The following FKBP9 variants were observed in gnomAD, a reference collection of about 807,000 sequenced individuals.
FKBP9 encodes peptidyl-prolyl cis-trans isomerase FKBP9.
Under a neutral mutation model 55.6 loss-of-function variants are expected in FKBP9, and 27 were observed. The observed-to-expected ratio is 0.49, with a 90% CI of 0.36 to 0.67. FKBP9 has a LOEUF of 0.67. Among genes scored for constraint, FKBP9 ranks in the 30% least tolerant of loss-of-function variants. The probability of loss-of-function intolerance (pLI) is 0.00; values close to 1 mark genes in which losing one functional copy is unlikely to be tolerated. For missense variants in FKBP9, 539 were observed against 742.8 expected, an observed-to-expected ratio of 0.73 and a Z score of 3.19; for synonymous variants, 267 against 296.5, an observed-to-expected ratio of 0.90 and a Z score of 1.02.
At chr7:32,964,373 C>T (rs1784092215) in intron 1 of FKBP9, among the ~76,000 whole-genome samples, 5 of 152,182 alleles carry the variant, frequency 3.3e-5, no homozygotes, top group Admixed American at 3.3e-4. Flanking sequence ...AAATGGGAAT[C>T]ATCTATAGGG....
chr7:32,962,509 T>C lies in FKBP9; in HGVS notation c.221+4715T>C, dbSNP rs1246784216. Among the ~76,000 whole-genome samples the C allele has an allele frequency of 2.0e-5, 3 of 152,250 alleles. No individual in the cohort carries two copies. The East Asian group carries it at 5.8e-4, about 29-fold the overall frequency. The stretch of plus-strand genomic sequence containing the variant: ...TTTTTTTTGAGACAGCGTCTCACTT[T>C]GTTGCCCAGGCTGGTGTGCAGTGAT... On this transcript the variant is annotated intron_variant, in intron 1 of 9. Coordinates refer to ENST00000242209, the MANE Select transcript of FKBP9 (RefSeq NM_007270.5).
chr7:32,975,235 A>G lies in FKBP9; in HGVS notation c.421A>G (p.Ile141Val). Residue 141 changes from isoleucine (I) to valine (V), a missense_variant, in exon 3 of 10, where the codon ATT becomes GTT. Transcript: ENST00000242209. ...VLHFDVLLMD[I>V]WNSEDQVQIH... is the part of the protein sequence containing the mutation. Reference sequence around the variant, plus strand: ...TCATTTTGATGTACTTCTGATGGATATTTGGAATTCTGAAGACCAGGTTCA... The same window carrying G: ...TCATTTTGATGTACTTCTGATGGATGTTTGGAATTCTGAAGACCAGGTTCA... 1 of 1,613,874 alleles carries G rather than the reference A, an allele frequency of 6.2e-7. No homozygotes were observed. Among genetic ancestry groups the G allele is most frequent in the African/African-American group, 1.3e-5 (1 of 75,054 alleles).
intron 4 of FKBP9, 148 bp downstream of exon 4, chr7:32,976,647 T>C: frequency 8.6e-7 from 1 of 1,161,498 alleles, no homozygotes. Context: ...CATGTGGCTA[T>C]TAATTAGCTA....
In FKBP9 at chr7:32,996,236, C is replaced by G. The variant is rs1340269291; in HGVS notation, c.1113C>G (p.Ile371Met). Reference sequence around the variant, plus strand: ...ACTTCCACAACCCTTCGGACTCCATCAGCATCACCTCCCACTACAAACCCC... The same window carrying G: ...ACTTCCACAACCCTTCGGACTCCATGAGCATCACCTCCCACTACAAACCCC... Reference protein sequence around the residue: ...VIDFHNPSDSISITSHYKPPD... With the variant: ...VIDFHNPSDSMSITSHYKPPD... The change falls in exon 7 of 10, where the codon ATC becomes ATG. Residue 371 changes from isoleucine to methionine, a missense_variant. This residue lies in a region of FKBP9 where 172 missense variants were observed against 205.3 expected (regional missense o/e 0.84). Coordinates refer to ENST00000242209, the MANE Select transcript of FKBP9 (RefSeq NM_007270.5). The G allele has an allele frequency of 1.1e-5, 18 of 1,614,110 alleles. No individual in the cohort carries two copies. Among genetic ancestry groups the G allele is most frequent in the Middle Eastern group, 1.6e-4 (1 of 6,062 alleles).
intron 1 of FKBP9, among the ~76,000 whole-genome samples, chr7:32,969,707 C>T (rs1315176329): frequency 6.6e-6 from 1 of 151,950 alleles, no homozygotes; most frequent in African/African-American, 2.4e-5. Flanking sequence ...CTTTAGAGTC[C>T]TTCAAGATTC....
In FKBP9 at chr7:32,973,552, C is replaced by A. The variant is rs575782431; in HGVS notation, c.222-1065C>A. Among the ~76,000 whole-genome samples, 5 of 139,406 alleles carry A rather than the reference C, an allele frequency of 3.6e-5. No individual in the cohort carries two copies. The East Asian group carries it at 1.1e-3, about 31-fold the overall frequency. 91.5% of individuals were successfully genotyped at this position (139,406 alleles called of 152,430 possible). A position where few individuals can be genotyped will look rare whatever the true frequency, so the allele number is the denominator to read the frequency against. Reference sequence around the variant, plus strand: ...GTTATCATGCTGCCTCTGTGTTTAACTTAGCTGGATGACTTTAAAAAAAAT... The same window carrying A: ...GTTATCATGCTGCCTCTGTGTTTAAATTAGCTGGATGACTTTAAAAAAAAT... On this transcript the variant is annotated intron_variant, in intron 1 of 9. Coordinates refer to ENST00000242209, the MANE Select transcript of FKBP9 (RefSeq NM_007270.5).
chr7:33,004,167 T>C (rs866250945), intron 9 of FKBP9, among the ~76,000 whole-genome samples: 79 of 152,212 alleles, frequency 5.2e-4, no homozygotes, highest in African/African-American at 1.8e-3. Context: ...CTGACGCTTC[T>C]TACCACCCCC....
intron 8 of FKBP9, among the ~76,000 whole-genome samples, chr7:33,002,265 C>G (rs1784948930): frequency 6.6e-6 from 1 of 152,036 alleles, no homozygotes; most frequent in Non-Finnish European, 1.5e-5. Flanking sequence ...TCCCGAGTAG[C>G]TGGGACTACA....
rs571576691 is a variant in FKBP9 at position 32,969,722 on chromosome 7, G to A, written c.222-4895G>A. Among the ~76,000 whole-genome samples, 10 of 152,204 alleles carry A rather than the reference G, an allele frequency of 6.6e-5. No individual in the cohort carries two copies. In the South Asian group the frequency reaches 1.9e-3, roughly 28 times the overall value. The stretch of plus-strand genomic sequence containing the variant: ...CTTTAGAGTCCTTCAAGATTCCAAG[G>A]CCAGGCACCGTGGCTCACACCTGTA... On this transcript the variant is annotated intron_variant, in intron 1 of 9. Coordinates refer to ENST00000242209, the MANE Select transcript of FKBP9 (RefSeq NM_007270.5).
intron 5 of FKBP9, among the ~76,000 whole-genome samples, chr7:32,982,984 ATGTGTGTGTGTGTGTGTGTG>A (rs71559288): frequency 7.0e-6 from 1 of 142,138 alleles, no homozygotes; most frequent in African/African-American, 2.6e-5. Flanking sequence ...GTCAAAGGTT[ATGTGTGTGTGTGTGTGTGTG>A]TGTGTGTGTG....
intron 8 of FKBP9, among the ~76,000 whole-genome samples, chr7:33,000,988 T>C (rs1372227822): frequency 2.0e-5 from 3 of 152,192 alleles, no homozygotes; most frequent in South Asian, 2.1e-4. Context: ...ATCTTTCCCA[T>C]GCTGGTCTTA....
intron 1 of FKBP9, among the ~76,000 whole-genome samples, chr7:32,962,005 C>A (rs924741192): frequency 2.0e-5 from 3 of 151,794 alleles, no homozygotes; most frequent in African/African-American, 4.8e-5. Context: ...TCTGAATAAT[C>A]CCAAAACCAT....
chr7:33,005,128 T>C (rs758050983), intron 9 of FKBP9, 47 bp from the exon 10 acceptor site: 4 of 1,594,728 alleles, frequency 2.5e-6, no homozygotes, highest in Non-Finnish European at 3.4e-6. Context: ...AGGCCTGGCG[T>C]TCATGGCGGC....
chr7:32,987,195 C>A (rs990020990), intron 5 of FKBP9, among the ~76,000 whole-genome samples: 3 of 152,010 alleles, frequency 2.0e-5, no homozygotes, highest in East Asian at 1.9e-4. Flanking sequence ...GCTTTCCTGG[C>A]GATCGGAATC....
chr7:32,988,548 G>A lies in FKBP9; in HGVS notation c.935G>A (p.Gly312Asp). The A allele has an allele frequency of 3.1e-6, 5 of 1,613,890 alleles. No homozygotes were observed. Among genetic ancestry groups the A allele is most frequent in the Non-Finnish European group, 4.2e-6 (5 of 1,179,836 alleles). ...ACGTTTGACACGTACATTGGGCAGGGCTACGTGATTCCTGGGATGGATGAA... is the reference window on the plus strand; with the variant it reads ...ACGTTTGACACGTACATTGGGCAGGACTACGTGATTCCTGGGATGGATGAA... Reference protein sequence around the residue: ...NRTFDTYIGQGYVIPGMDEGL... With the variant: ...NRTFDTYIGQDYVIPGMDEGL... Residue 312 changes from glycine to aspartate, a missense_variant, in exon 6 of 10, where the codon GGC becomes GAC. Coordinates refer to ENST00000242209, the MANE Select transcript of FKBP9 (RefSeq NM_007270.5).
chr7:32,965,828 T>TATATGTGTATAC (rs1554284325), intron 1 of FKBP9, among the ~76,000 whole-genome samples: 1 of 35,052 alleles, frequency 2.9e-5, no homozygotes, highest in African/African-American at 1.1e-4. Context: ...TATATATATA[T>TATATGTGTATAC]ATATATATAT....
intron 4 of FKBP9, among the ~76,000 whole-genome samples, chr7:32,977,887 AT>A (rs1784395932): frequency 7.0e-6 from 1 of 142,328 alleles, no homozygotes; most frequent in South Asian, 2.2e-4. Flanking sequence ...ATATATGTAT[AT>A]ATACACTCAT....
chr7:32,999,386 T>C (rs2127988891), intron 7 of FKBP9, among the ~76,000 whole-genome samples: 1 of 152,182 alleles, frequency 6.6e-6, no homozygotes, highest in East Asian at 1.9e-4. Context: ...AGATTTATTT[T>C]TAGTAGTGAC....
At chr7:33,002,649 C>A (rs367623309) in intron 8 of FKBP9, 27 bp from the exon 9 acceptor site, 3 of 1,607,962 alleles carry the variant, frequency 1.9e-6, no homozygotes, top group South Asian at 1.1e-5. Context: ...CGGCTGACAC[C>A]GCCTCCCGCT....
Sources: allele counts gnomAD v4.1 joint callset (sites outside exome capture counted in the v4.1 genomes callset), GRCh38; gene constraint gnomAD v4.1.1; regional missense constraint gnomAD v4.1.1; transcripts MANE v1.5; gene names NCBI Gene and HGNC (gene_info 2026-07-23, HGNC 2026-07-21).